Variants in SPTLC1 observed in about 807,000 individuals in gnomAD.
The protein encoded by SPTLC1 is serine palmitoyltransferase long chain base subunit 1, also known as serine palmitoyltransferase 1.
Under a neutral mutation model 68.9 loss-of-function variants are expected in SPTLC1, and 55 were observed. That is an observed-to-expected ratio of 0.80 (90% confidence interval 0.64 to 1.00). SPTLC1 has a LOEUF of 1.00. Ranked by LOEUF, SPTLC1 falls within the 50% of genes least tolerant of loss-of-function variation. The pLI, the probability that SPTLC1 is intolerant of heterozygous loss-of-function variation, is 0.00. For missense variants in SPTLC1, 449 were observed against 573.1 expected (o/e 0.78, Z 2.21); for synonymous variants, 197 against 201.6 (o/e 0.98, Z 0.19).
intron 6 of SPTLC1, among the ~76,000 whole-genome samples, chr9:92,067,010 A>C (rs907672326): frequency 6.6e-6 from 1 of 151,764 alleles, no homozygotes; most frequent in South Asian, 2.1e-4. Context: ...AATAAAAATA[A>C]AAAAAGGCCA....
chr9:92,092,925 A>C (rs1317119704), intron 3 of SPTLC1, among the ~76,000 whole-genome samples: 1 of 152,208 alleles, frequency 6.6e-6, no homozygotes, highest in African/African-American at 2.4e-5. Context: ...ATGGAATGAA[A>C]CTATTCTGGG....
chr9:92,080,130 T>A (rs565071138), intron 4 of SPTLC1, 42 bp from the exon 5 acceptor site: 1 of 1,524,388 alleles, frequency 6.6e-7, no homozygotes, highest in African/African-American at 1.4e-5. Context: ...AATTTATCTT[T>A]AAGAGTTCAA....
At chr9:92,058,177 CAG>C (rs1178264479) in intron 7 of SPTLC1, among the ~76,000 whole-genome samples, 8 of 152,156 alleles carry the variant, frequency 5.3e-5, no homozygotes, top group East Asian at 1.9e-4. Flanking sequence ...TAGCCTAGAG[CAG>C]AGTTAGTATA....
intron 9 of SPTLC1, among the ~76,000 whole-genome samples, chr9:92,049,516 C>T (rs1019328157): frequency 9.9e-5 from 15 of 152,110 alleles, no homozygotes; most frequent in Non-Finnish European, 5.9e-5. Context: ...CACGCACGCA[C>T]GCGTAACTGT....
intron 12 of SPTLC1, among the ~76,000 whole-genome samples, chr9:92,042,206 C>G (rs910413776): frequency 6.6e-6 from 1 of 152,134 alleles, no homozygotes; most frequent in East Asian, 1.9e-4. Context: ...TGCTTCTATA[C>G]TGGGAATAAG....
chr9:92,063,019 AG>A lies in SPTLC1; in HGVS notation c.561-3712del, dbSNP rs957000190. ...ACGTCAGCAGAAGGCAGGAAATAAT[AG>A]GAGAAATCAATCAATGGAACTGACA... is the stretch of plus-strand genomic sequence containing the variant. On this transcript the variant is annotated intron_variant, in intron 6 of 14. Transcript: ENST00000262554. Among the ~76,000 whole-genome samples, 141 of 152,282 alleles carry A rather than the reference AG, an allele frequency of 9.3e-4. 1 individual carries two copies. The highest frequency in any genetic ancestry group is 3.0e-3 in the Admixed American group (46 of 15,244).
At chr9:92,044,171 A>G (rs908045949) in intron 12 of SPTLC1, among the ~76,000 whole-genome samples, 2 of 152,192 alleles carry the variant, frequency 1.3e-5, no homozygotes, top group African/African-American at 2.4e-5. Flanking sequence ...GTCTCTATAC[A>G]GGTGTCATGA....
chr9:92,104,680 G>A (rs1013776137), intron 3 of SPTLC1: 606 of 1,526,238 alleles, frequency 4.0e-4, no homozygotes, highest in Non-Finnish European at 4.9e-4. Flanking sequence ...AAGAAGCAAC[G>A]GAGGTGAAAG....
chr9:92,051,184 A>C, intron 8 of SPTLC1: 1 of 981,400 alleles, frequency 1.0e-6, no homozygotes, highest in Non-Finnish European at 1.2e-6. Context: ...TGATACTTAA[A>C]ATATATTTAG....
chr9:92,079,588 C>T, intron 5 of SPTLC1: 2 of 1,589,064 alleles, frequency 1.3e-6, no homozygotes, highest in Non-Finnish European at 1.7e-6. Flanking sequence ...AAAAACTACA[C>T]TGTTTATCCC....
chr9:92,075,789 A>C (rs1466500115), intron 5 of SPTLC1, among the ~76,000 whole-genome samples: 2 of 152,124 alleles, frequency 1.3e-5, no homozygotes, highest in Non-Finnish European at 2.9e-5. Flanking sequence ...CTCTTTATTG[A>C]AAATCTCATG....
chr9:92,049,383 G>A (rs938119632), intron 9 of SPTLC1, among the ~76,000 whole-genome samples: 3 of 152,052 alleles, frequency 2.0e-5, no homozygotes, highest in Non-Finnish European at 2.9e-5. Context: ...TAGGCACTGC[G>A]GGCAGTCTGG....
intron 3 of SPTLC1, among the ~76,000 whole-genome samples, chr9:92,082,451 C>T (rs1471828082): frequency 6.9e-6 from 1 of 144,382 alleles, no homozygotes. Flanking sequence ...CATGTGTTCT[C>T]AGTGTTCAAT....
intron 6 of SPTLC1, among the ~76,000 whole-genome samples, chr9:92,065,926 T>C (rs1328835879): frequency 6.6e-6 from 1 of 152,150 alleles, no homozygotes; most frequent in Non-Finnish European, 1.5e-5. Flanking sequence ...GATAGAAGGT[T>C]CTGTCGCTGC....
intron 3 of SPTLC1, chr9:92,104,657 G>A (rs1246139054): frequency 1.3e-6 from 2 of 1,517,066 alleles, no homozygotes; most frequent in African/African-American, 2.8e-5. Flanking sequence ...GGAGGTGAGG[G>A]CAGAAGAGCC....
At chr9:92,095,270 G>A (rs1587598611) in intron 3 of SPTLC1, among the ~76,000 whole-genome samples, 1 of 152,112 alleles carries the variant, frequency 6.6e-6, no homozygotes, top group African/African-American at 2.4e-5. Context: ...GGGAAAACTT[G>A]AATTCCTATA....
intron 8 of SPTLC1, among the ~76,000 whole-genome samples, chr9:92,052,309 A>T (rs1025980168): frequency 4.6e-5 from 7 of 152,300 alleles, no homozygotes; most frequent in Admixed American, 3.9e-4. Flanking sequence ...TAATTTCAAC[A>T]AGGGTGCCAA....
chr9:92,047,565 T>C (rs772763143), intron 10 of SPTLC1, 48 bp downstream of exon 10: 3 of 1,253,392 alleles, frequency 2.4e-6, no homozygotes, highest in Non-Finnish European at 3.5e-6. Context: ...AGGTGACCAA[T>C]GGAGAAATTA....
intron 3 of SPTLC1, chr9:92,104,672 G>A (rs1453495972): frequency 5.9e-6 from 9 of 1,525,708 alleles, no homozygotes; most frequent in Non-Finnish European, 6.1e-6. Context: ...AGAGCCCAAA[G>A]AAGCAACGGA....
Sources: gnomAD v4.1 joint callset for allele counts (sites outside exome capture counted in the v4.1 genomes callset) on GRCh38, gnomAD v4.1.1 for gene constraint, MANE v1.5 for transcripts, NCBI Gene and HGNC (gene_info 2026-07-23, HGNC 2026-07-21) for gene names.